DIAPH2: variants seen among roughly 807,000 people sequenced by gnomAD.
The protein encoded by DIAPH2 is protein diaphanous homolog 2.
Under a neutral mutation model 92.7 loss-of-function variants are expected in DIAPH2, and 35 were observed. The observed-to-expected ratio is 0.38, with a 90% CI of 0.29 to 0.50. The LOEUF is 0.50. Ranked by LOEUF, DIAPH2 falls within the 20% of genes least tolerant of loss-of-function variation. The pLI is 0.94. For synonymous variants in DIAPH2, 301 were observed against 280.4 expected (o/e 1.07, Z -0.73); for missense variants, 701 against 819.5 (o/e 0.86, Z 1.77).
intron 25 of DIAPH2, among the ~76,000 whole-genome samples, chrX:97,403,553 G>A (rs763299920): frequency 1.5e-4 from 17 of 112,164 alleles, no homozygotes; most frequent in African/African-American, 4.9e-4. Context: ...TGAAGGTATC[G>A]TATCTAGGGA....
chrX:97,400,896 A>ATTT (rs781569904), intron 25 of DIAPH2, among the ~76,000 whole-genome samples: 1 of 91,784 alleles, frequency 1.1e-5, no homozygotes, highest in South Asian at 5.0e-4. Flanking sequence ...CATATTATTC[A>ATTT]TTTTTTTTTT....
intron 22 of DIAPH2, 80 bp downstream of exon 22, chrX:97,141,874 A>G (rs906982631): frequency 3.4e-5 from 35 of 1,035,354 alleles, no homozygotes; most frequent in Middle Eastern, 3.4e-4. Flanking sequence ...TGTAAACATT[A>G]TTCATAAAAG....
At chrX:96,777,240 A>C (rs1287281362) in intron 4 of DIAPH2, among the ~76,000 whole-genome samples, 1 of 111,641 alleles carries the variant, frequency 9.0e-6, no homozygotes, top group African/African-American at 3.2e-5. Flanking sequence ...GGCCATTTTT[A>C]TGTGTTTTGC....
intron 19 of DIAPH2, among the ~76,000 whole-genome samples, chrX:97,092,238 C>A (rs1482618965): frequency 8.9e-6 from 1 of 112,351 alleles, no homozygotes; most frequent in Non-Finnish European, 1.9e-5. Context: ...AGCTTTTCAT[C>A]TGAAGATATT....
At chrX:97,324,882 C>T (rs1020028241) in intron 23 of DIAPH2, among the ~76,000 whole-genome samples, 2 of 111,167 alleles carry the variant, frequency 1.8e-5, no homozygotes, top group South Asian at 3.8e-4. Flanking sequence ...CTCACTGCAA[C>T]ATCCACCTCC....
intron 22 of DIAPH2, among the ~76,000 whole-genome samples, chrX:97,155,097 A>G (rs754633731): frequency 8.9e-6 from 1 of 112,453 alleles, no homozygotes; most frequent in Non-Finnish European, 1.9e-5. Context: ...ACTATATCGT[A>G]TTCTCAGCAG....
intron 23 of DIAPH2, among the ~76,000 whole-genome samples, chrX:97,282,629 A>C (rs141887802): frequency 0.013 from 1,455 of 111,817 alleles, 18 homozygotes; most frequent in African/African-American, 0.046. Context: ...TTTTTAAAGA[A>C]TGTATCCAAA....
At chrX:97,293,244 T>TTTC (rs1491426916) in intron 23 of DIAPH2, among the ~76,000 whole-genome samples, 1 of 69,499 alleles carries the variant, frequency 1.4e-5, no homozygotes, top group African/African-American at 6.2e-5. Context: ...TATTTCTTTC[T>TTTC]TTTTTTTTTT....
At chrX:96,802,965 A>T (rs975987130) in intron 4 of DIAPH2, among the ~76,000 whole-genome samples, 11 of 111,580 alleles carry the variant, frequency 9.9e-5, no homozygotes, top group African/African-American at 3.6e-4. Context: ...AGCATCCAGC[A>T]CAGGAGACAG....
intron 4 of DIAPH2, among the ~76,000 whole-genome samples, chrX:96,848,189 A>G (rs1179686410): frequency 9.0e-6 from 1 of 110,790 alleles, no homozygotes; most frequent in African/African-American, 3.3e-5. Context: ...ATAGGTGCAC[A>G]ACACCACAAC....
intron 25 of DIAPH2, among the ~76,000 whole-genome samples, chrX:97,427,513 C>T (rs761952645): frequency 9.0e-6 from 1 of 111,680 alleles, no homozygotes; most frequent in South Asian, 3.8e-4. Flanking sequence ...TATCTAACAA[C>T]TGTAAAGTGT....
At position 96,699,073 on chromosome X, in the gene DIAPH2, G is replaced by A. The variant is rs2063840483; in HGVS notation, c.132+13883G>A. On this transcript the variant is annotated intron_variant, in intron 1 of 26. Coordinates refer to ENST00000324765, the MANE Select transcript of DIAPH2 (RefSeq NM_006729.5). ...GAGCTAATATTTCCATATTGGTTCT[G>A]TTCATACAACTGTGTACAACACAGC... is the stretch of plus-strand genomic sequence containing the variant. Among the ~76,000 whole-genome samples the A allele has an allele frequency of 2.7e-5, 3 of 111,025 alleles. No homozygotes were observed. In the Admixed American group the frequency reaches 2.9e-4, roughly 11 times the overall value.
intron 22 of DIAPH2, among the ~76,000 whole-genome samples, chrX:97,183,467 G>C (rs985001330): frequency 3.6e-5 from 4 of 112,187 alleles, no homozygotes; most frequent in Non-Finnish European, 5.6e-5. Context: ...AGTTCATATT[G>C]TAAGGGGTTA....
chrX:96,782,115 G>T (rs968669495), intron 4 of DIAPH2, among the ~76,000 whole-genome samples: 2 of 109,993 alleles, frequency 1.8e-5, no homozygotes, highest in African/African-American at 6.7e-5. Context: ...TTATTTTATT[G>T]TAGAGACAAT....
chrX:97,092,810 C>T (rs1478664534), intron 19 of DIAPH2, among the ~76,000 whole-genome samples: 4 of 111,022 alleles, frequency 3.6e-5, no homozygotes, highest in African/African-American at 6.6e-5. Flanking sequence ...TTGTCATGGC[C>T]GTGATAGGAT....
At chrX:97,569,453 A>G (rs1322195179) in intron 26 of DIAPH2, among the ~76,000 whole-genome samples, 1 of 111,928 alleles carries the variant, frequency 8.9e-6, no homozygotes, top group Non-Finnish European at 1.9e-5. Flanking sequence ...ATAGCTATCC[A>G]TCCATCCATC....
chrX:96,930,970 G>A, intron 10 of DIAPH2, 127 bp downstream of exon 10: 1 of 746,318 alleles, frequency 1.3e-6, no homozygotes, highest in Non-Finnish European at 1.8e-6. Flanking sequence ...TAGACATTTT[G>A]TAAGCTTTTT....
chrX:97,240,478 C>T (rs1049496206), intron 22 of DIAPH2, among the ~76,000 whole-genome samples: 18 of 109,517 alleles, frequency 1.6e-4, no homozygotes, highest in Admixed American at 4.9e-4. Flanking sequence ...TGGTGGCGGG[C>T]GCCTGTAGTC....
chrX:96,980,562 C>T (rs1215828771), intron 17 of DIAPH2, among the ~76,000 whole-genome samples: 1 of 110,579 alleles, frequency 9.0e-6, no homozygotes, highest in Non-Finnish European at 1.9e-5. Flanking sequence ...CACTGTGGGC[C>T]ATGGTTCCAG....
Sources: allele counts gnomAD v4.1 joint callset (sites outside exome capture counted in the v4.1 genomes callset), GRCh38; gene constraint gnomAD v4.1.1; transcripts MANE v1.5; gene names NCBI Gene and HGNC (gene_info 2026-07-23, HGNC 2026-07-21).